Variants in PLXDC2 observed in about 807,000 individuals in gnomAD.
PLXDC2 encodes plexin domain-containing protein 2.
In PLXDC2, 40 loss-of-function variants were observed where a neutral mutation model predicts 68.9. That is an observed-to-expected ratio of 0.58 (90% CI 0.45 to 0.76). The LOEUF is 0.76. Among genes scored for constraint, PLXDC2 ranks in the 30% least tolerant of loss-of-function variants. The pLI, the probability that PLXDC2 is intolerant of heterozygous loss-of-function variation, is 0.00. For synonymous variants in PLXDC2, 243 were observed against 234.2 expected (o/e 1.04, Z -0.34); for missense variants, 644 against 661.9 (o/e 0.97, Z 0.30).
chr10:20,240,534 G>A (rs1273562602), intron 12 of PLXDC2, among the ~76,000 whole-genome samples: 1 of 152,048 alleles, frequency 6.6e-6, no homozygotes, highest in Non-Finnish European at 1.5e-5. Context: ...AAACCAACTA[G>A]TGAAAGAATT....
chr10:19,995,934 G>A (rs1329897032), intron 1 of PLXDC2, among the ~76,000 whole-genome samples: 4 of 152,118 alleles, frequency 2.6e-5, no homozygotes. Flanking sequence ...ATTCATTGTA[G>A]GTAAAGAAAC....
intron 1 of PLXDC2, among the ~76,000 whole-genome samples, chr10:19,983,977 T>G (rs1167214042): frequency 6.6e-6 from 1 of 152,188 alleles, no homozygotes; most frequent in African/African-American, 2.4e-5. Context: ...AGGCCCAAAC[T>G]ATAGGGTGAT....
intron 1 of PLXDC2, among the ~76,000 whole-genome samples, chr10:19,978,307 A>G (rs531791459): frequency 2.0e-5 from 3 of 152,228 alleles, no homozygotes; most frequent in East Asian, 3.9e-4. Context: ...GTACATGTCA[A>G]TTTCTCTATT....
chr10:20,015,353 C>T (rs2358656), intron 2 of PLXDC2, among the ~76,000 whole-genome samples: 18,269 of 151,778 alleles, frequency 0.12, 1,170 homozygotes, highest in Admixed American at 0.17. Context: ...TGTGTGTGCA[C>T]GTGTCTGTGT....
chr10:19,892,455 A>G (rs900064952), intron 1 of PLXDC2, among the ~76,000 whole-genome samples: 31 of 152,212 alleles, frequency 2.0e-4, no homozygotes, highest in Middle Eastern at 6.3e-3. Flanking sequence ...TGTGGATCAC[A>G]TGCCAAAAAT....
intron 1 of PLXDC2, among the ~76,000 whole-genome samples, chr10:19,841,063 A>G (rs1836894819): frequency 6.6e-6 from 1 of 152,172 alleles, no homozygotes; most frequent in Admixed American, 6.5e-5. Context: ...ACCCATCACA[A>G]TCTAAAACAT....
chr10:19,860,292 T>C (rs425859), intron 1 of PLXDC2, among the ~76,000 whole-genome samples: 84,548 of 151,516 alleles, frequency 0.56, 23,587 homozygotes, highest in East Asian at 0.69. Context: ...CTTGGCAGAA[T>C]GAGTTAAGAG....
chr10:20,143,699 A>C (rs1341983901), intron 5 of PLXDC2, among the ~76,000 whole-genome samples: 1 of 152,098 alleles, frequency 6.6e-6, no homozygotes, highest in African/African-American at 2.4e-5. Context: ...TATTTCAATA[A>C]GTCAGTTTTC....
chr10:19,883,181 C>G (rs1837766775), intron 1 of PLXDC2, among the ~76,000 whole-genome samples: 1 of 152,046 alleles, frequency 6.6e-6, no homozygotes, highest in Non-Finnish European at 1.5e-5. Flanking sequence ...CCAGGATGGT[C>G]TCGATCTCCT....
At chr10:19,874,215 G>A (rs1438821439) in intron 1 of PLXDC2, among the ~76,000 whole-genome samples, 3 of 152,178 alleles carry the variant, frequency 2.0e-5, no homozygotes, top group Non-Finnish European at 4.4e-5. Flanking sequence ...TTAATTTAGA[G>A]TGCAGGTCTA....
intron 1 of PLXDC2, among the ~76,000 whole-genome samples, chr10:19,826,443 A>G (rs1394042024): frequency 6.6e-6 from 1 of 152,208 alleles, no homozygotes; most frequent in East Asian, 1.9e-4. Flanking sequence ...TTTGGAGCAG[A>G]AACAGGAGGG....
chr10:20,008,554 G>A (rs369126243), intron 2 of PLXDC2, among the ~76,000 whole-genome samples: 17 of 152,066 alleles, frequency 1.1e-4, no homozygotes, highest in Admixed American at 8.5e-4. Context: ...ACTCTGTCTC[G>A]AAAAAATAAA....
chr10:20,232,092 A>G (rs928040846), intron 12 of PLXDC2, among the ~76,000 whole-genome samples: 5 of 152,220 alleles, frequency 3.3e-5, no homozygotes, highest in Non-Finnish European at 5.9e-5. Context: ...ATATATTTAC[A>G]GTATGCTTAT....
intron 1 of PLXDC2, among the ~76,000 whole-genome samples, chr10:19,983,644 C>G (rs12249419): frequency 6.4e-4 from 98 of 152,170 alleles, no homozygotes; most frequent in African/African-American, 2.3e-3. Flanking sequence ...TTCTGCCTCC[C>G]TCCTCTATCT....
chr10:19,986,270 A>T (rs1834637679), intron 1 of PLXDC2, among the ~76,000 whole-genome samples: 1 of 152,208 alleles, frequency 6.6e-6, no homozygotes, highest in South Asian at 2.1e-4. Flanking sequence ...GTTTAAATAC[A>T]GTCGAGTTAG....
intron 1 of PLXDC2, among the ~76,000 whole-genome samples, chr10:19,997,749 A>G (rs1350826071): frequency 6.6e-6 from 1 of 152,202 alleles, no homozygotes; most frequent in East Asian, 1.9e-4. Flanking sequence ...GAGAATATAT[A>G]TGAGGATACA....
intron 13 of PLXDC2, among the ~76,000 whole-genome samples, chr10:20,266,117 TA>T (rs1172901956): frequency 6.6e-6 from 1 of 152,132 alleles, no homozygotes; most frequent in Non-Finnish European, 1.5e-5. Flanking sequence ...CCAGTGCACA[TA>T]AGGTCACATA....
At chr10:19,937,576 A>G (rs923435974) in intron 1 of PLXDC2, among the ~76,000 whole-genome samples, 61 of 123,590 alleles carry the variant, frequency 4.9e-4, no homozygotes, top group Non-Finnish European at 8.4e-4. Flanking sequence ...ATATATATAT[A>G]TATATATTTG....
At chr10:19,909,326 A>G (rs1177043752) in intron 1 of PLXDC2, among the ~76,000 whole-genome samples, 1 of 152,218 alleles carries the variant, frequency 6.6e-6, no homozygotes, top group Non-Finnish European at 1.5e-5. Flanking sequence ...AGCCCAAACT[A>G]GACTTTATTT....
Sources: allele counts gnomAD v4.1 joint callset (sites outside exome capture counted in the v4.1 genomes callset), GRCh38; gene constraint gnomAD v4.1.1; transcripts MANE v1.5; gene names NCBI Gene and HGNC (gene_info 2026-07-23, HGNC 2026-07-21).